HADH: variants seen among roughly 807,000 people sequenced by gnomAD.
HADH encodes hydroxyacyl-CoA dehydrogenase.
A neutral mutation model predicts 32.2 loss-of-function variants in HADH; 24 were observed. The ratio of observed to expected loss-of-function variants is 0.75; its 90% CI spans 0.54 to 1.05. The LOEUF (loss-of-function observed/expected upper bound fraction) is 1.05, where lower values mean the gene tolerates loss of function less well. HADH is among the 50% of genes least tolerant of loss of function. HADH has a pLI of 0.00. For synonymous variants in HADH, 139 were observed against 152.5 expected, an observed-to-expected ratio of 0.91 and a Z score of 0.65; for missense variants, 350 against 397.1, an observed-to-expected ratio of 0.88 and a Z score of 1.01.
intron 4 of HADH, among the ~76,000 whole-genome samples, chr4:108,021,040 C>T (rs927628432): frequency 2.6e-5 from 4 of 152,084 alleles, no homozygotes; most frequent in African/African-American, 9.7e-5. Flanking sequence ...TCTCAGCTTC[C>T]TCCTATTTTC....
intron 2 of HADH, among the ~76,000 whole-genome samples, chr4:108,010,422 G>GT (rs5860889): frequency 0.87 from 132,305 of 152,142 alleles, 58,339 homozygotes; most frequent in East Asian, 0.97. Flanking sequence ...GGGCCATGCT[G>GT]TTTTTCAGCG....
At chr4:108,012,047 A>G (rs887731597) in intron 2 of HADH, among the ~76,000 whole-genome samples, 7 of 151,952 alleles carry the variant, frequency 4.6e-5, no homozygotes, top group African/African-American at 1.7e-4. Context: ...GTGAGCCACC[A>G]CACCCAGCTA....
intron 6 of HADH, chr4:108,032,164 T>G: frequency 2.0e-6 from 1 of 506,468 alleles, no homozygotes; most frequent in Non-Finnish European, 3.7e-6. Flanking sequence ...TTCTTAATGC[T>G]TTGGAACAAA....
chr4:108,018,189 T>C (rs1735757521), intron 3 of HADH, among the ~76,000 whole-genome samples: 1 of 152,154 alleles, frequency 6.6e-6, no homozygotes, highest in Non-Finnish European at 1.5e-5. Flanking sequence ...AACGGGAGTG[T>C]GGAGCCACAG....
At chr4:108,026,736 G>T (rs1387053270) in intron 5 of HADH, 1 of 152,212 alleles carries the variant, frequency 6.6e-6, no homozygotes, top group Non-Finnish European at 1.5e-5. Context: ...GTGTGTGCTA[G>T]AAACAGAATG....
At chr4:108,017,786 T>A (rs1735745088) in intron 3 of HADH, among the ~76,000 whole-genome samples, 1 of 152,182 alleles carries the variant, frequency 6.6e-6, no homozygotes, top group South Asian at 2.1e-4. Context: ...TGACTTCAAG[T>A]GATCCACCTG....
intron 3 of HADH, among the ~76,000 whole-genome samples, chr4:108,015,579 C>T (rs570457890): frequency 1.3e-5 from 2 of 152,262 alleles, no homozygotes; most frequent in South Asian, 2.1e-4. Context: ...TCTCCTACCC[C>T]ACAGCTATTT....
chr4:108,004,485 A>G (rs1057242347), intron 1 of HADH: 3 of 410,054 alleles, frequency 7.3e-6, no homozygotes, highest in Admixed American at 3.6e-5. Context: ...AAGTTGTGGT[A>G]TACTCCAGTG....
intron 1 of HADH, among the ~76,000 whole-genome samples, chr4:108,000,407 T>C (rs1441804405): frequency 6.6e-6 from 1 of 152,248 alleles, no homozygotes; most frequent in East Asian, 1.9e-4. Context: ...TCTGGTTGGT[T>C]AATAACTTTT....
rs11390276 is a variant in HADH, at chr4:108,003,105, CTTTTTT to C, written c.133-6640_133-6635del. Among the ~76,000 whole-genome samples, 427 of 124,196 alleles carry C rather than the reference CTTTTTT, an allele frequency of 3.4e-3. 4 individuals are homozygous for C. The highest frequency in any genetic ancestry group is 0.011 in the African/African-American group (387 of 33,696). 81.5% of individuals were successfully genotyped at this position (124,196 alleles called of 152,430 possible). ...TGAGTGGCTAAATCAGTGTCTTAGT[CTTTTTT>C]TTTTTTTTTTTTTGCTGCTATTAAC... On this transcript the variant is annotated intron_variant, in intron 1 of 7. Transcript: ENST00000309522.
intron 1 of HADH, among the ~76,000 whole-genome samples, chr4:107,997,609 T>G (rs2126219489): frequency 6.6e-6 from 1 of 152,216 alleles, no homozygotes; most frequent in Middle Eastern, 3.4e-3. Context: ...GAGCCTGCCT[T>G]CCACCAGGCC....
chr4:108,019,288 G>A (rs1735800191), intron 3 of HADH, among the ~76,000 whole-genome samples: 2 of 152,154 alleles, frequency 1.3e-5, no homozygotes. Flanking sequence ...AATCAAGGAA[G>A]GATTGGTGAA....
At position 107,990,052 on chromosome 4, in the gene HADH, C is replaced by T. The variant is rs900864178; in HGVS notation, c.120C>T (p.Ala40=). ...TCATCGGCGGCGGGCTGATGGGCGC[C>T]GGCATTGCCCAGGTGAGCGGCCCTC... ...VTVIGGGLMG[A]GIAQVAAATG... Residue 40 remains alanine (A), a synonymous_variant, in exon 1 of 8, where the codon GCC becomes GCT. Coordinates refer to ENST00000309522, the MANE Select transcript of HADH (RefSeq NM_005327.7). 2.5e-6 allele frequency: 4 copies of T among 1,609,986 alleles called. No individual in the cohort carries two copies. The African/African-American group carries it at 5.3e-5, about 22-fold the overall frequency.
At chr4:108,007,970 T>C (rs1436062433) in intron 1 of HADH, among the ~76,000 whole-genome samples, 1 of 152,198 alleles carries the variant, frequency 6.6e-6, no homozygotes, top group East Asian at 1.9e-4. Context: ...ATTGGGTTGA[T>C]CTCTGCACAT....
chr4:108,008,956 G>A (rs1424268978), intron 1 of HADH, among the ~76,000 whole-genome samples: 1 of 152,156 alleles, frequency 6.6e-6, no homozygotes. Flanking sequence ...GTCACTCACT[G>A]TGACTAAGCT....
intron 2 of HADH, among the ~76,000 whole-genome samples, chr4:108,011,322 G>A (rs1735486579): frequency 6.6e-6 from 1 of 152,092 alleles, no homozygotes; most frequent in African/African-American, 2.4e-5. Context: ...AGGTTTAATT[G>A]ACTCATAGCT....
At chr4:107,997,458 A>G (rs1436061604) in intron 1 of HADH, among the ~76,000 whole-genome samples, 1 of 152,128 alleles carries the variant, frequency 6.6e-6, no homozygotes, top group East Asian at 1.9e-4. Context: ...ACAAAGATAA[A>G]TAAATCCAGT....
chr4:107,995,296 C>G (rs780909678), intron 1 of HADH, among the ~76,000 whole-genome samples: 1 of 152,182 alleles, frequency 6.6e-6, no homozygotes, highest in Non-Finnish European at 1.5e-5. Flanking sequence ...TGCCTCTTTA[C>G]TTACCTGGGA....
At chr4:108,023,867 G>T in intron 5 of HADH, 1 of 314,002 alleles carries the variant, frequency 3.2e-6, no homozygotes, top group African/African-American at 2.1e-5. Flanking sequence ...CTGATGAATG[G>T]CTGCATTTTC....
Sources: gnomAD v4.1 joint callset for allele counts (sites outside exome capture counted in the v4.1 genomes callset) on GRCh38, gnomAD v4.1.1 for gene constraint, MANE v1.5 for transcripts, NCBI Gene and HGNC (gene_info 2026-07-23, HGNC 2026-07-21) for gene names.